EHBP1: variants seen among roughly 807,000 people sequenced by gnomAD.
EHBP1 encodes EH domain-binding protein 1.
In EHBP1, 55 loss-of-function variants were observed where a neutral mutation model predicts 144.0. That is an observed-to-expected ratio of 0.38 (90% confidence interval 0.31 to 0.48). The LOEUF is 0.48. EHBP1 is among the 20% of genes least tolerant of loss of function. EHBP1 has a pLI of 0.98. For synonymous variants in EHBP1, 469 were observed against 472.7 expected, an observed-to-expected ratio of 0.99 and a Z score of 0.10; for missense variants, 1,200 against 1,364.2, an observed-to-expected ratio of 0.88 and a Z score of 1.90.
intron 13 of EHBP1, among the ~76,000 whole-genome samples, chr2:62,953,028 G>A (rs1446252815): frequency 6.6e-6 from 1 of 151,938 alleles, no homozygotes; most frequent in East Asian, 1.9e-4. Context: ...AGACCAGCCT[G>A]ACCAACATGG....
intron 1 of EHBP1, among the ~76,000 whole-genome samples, chr2:62,681,272 C>T (rs1171938171): frequency 6.9e-6 from 1 of 144,640 alleles, no homozygotes; most frequent in African/African-American, 2.6e-5. Flanking sequence ...TGCCACTGCA[C>T]TCCAGCCTGG....
chr2:62,874,987 C>T (rs1014870318), intron 10 of EHBP1, among the ~76,000 whole-genome samples: 1 of 152,062 alleles, frequency 6.6e-6, no homozygotes, highest in Non-Finnish European at 1.5e-5. Context: ...CCCTACCCTG[C>T]CCCCTCCAGT....
intron 10 of EHBP1, among the ~76,000 whole-genome samples, chr2:62,907,055 G>C (rs938764710): frequency 1.1e-4 from 17 of 152,168 alleles, no homozygotes; most frequent in African/African-American, 4.1e-4. Context: ...AAGGACATCT[G>C]ATTGTTTCCT....
intron 2 of EHBP1, among the ~76,000 whole-genome samples, chr2:62,719,325 A>G (rs1333743814): frequency 1.3e-5 from 2 of 152,014 alleles, no homozygotes; most frequent in African/African-American, 4.8e-5. Flanking sequence ...TTATAATTGT[A>G]CTTCTAGACA....
intron 19 of EHBP1, among the ~76,000 whole-genome samples, chr2:63,009,646 A>G (rs1212063492): frequency 1.3e-5 from 2 of 151,436 alleles, no homozygotes; most frequent in Non-Finnish European, 1.5e-5. Context: ...TATATGGAGT[A>G]AAGTCCATAG....
chr2:63,021,805 C>T (rs1249725121), intron 19 of EHBP1, among the ~76,000 whole-genome samples: 1 of 151,828 alleles, frequency 6.6e-6, no homozygotes, highest in Admixed American at 6.6e-5. Context: ...CTCACACTGT[C>T]GCCCGGGCTA....
intron 5 of EHBP1, among the ~76,000 whole-genome samples, chr2:62,773,850 CAAAAAAAAAAAAAAAAAAAAA>C (rs570715468): frequency 4.8e-5 from 2 of 41,552 alleles, no homozygotes; most frequent in African/African-American, 9.5e-5. Flanking sequence ...GACTCCATCT[CAAAAAAAAAAAAAAAAAAAAA>C]AAAAAAAAAA....
intron 14 of EHBP1, chr2:62,965,136 C>G (rs2153151270): frequency 6.6e-6 from 1 of 152,558 alleles, no homozygotes; most frequent in Middle Eastern, 3.4e-3. Flanking sequence ...AGTGCAGTGA[C>G]TTTATACTTG....
chr2:62,742,034 C>G (rs2038758828), intron 2 of EHBP1, among the ~76,000 whole-genome samples: 1 of 152,038 alleles, frequency 6.6e-6, no homozygotes, highest in African/African-American at 2.4e-5. Flanking sequence ...AAATACTTAA[C>G]CATTATGTTA....
intron 7 of EHBP1, chr2:62,858,565 C>A: frequency 4.4e-6 from 5 of 1,139,926 alleles, no homozygotes; most frequent in Admixed American, 1.7e-5. Flanking sequence ...TTTACTGTGA[C>A]CTGCTACCTC....
chr2:62,748,973 A>C (rs1241353143), intron 3 of EHBP1, among the ~76,000 whole-genome samples: 2 of 152,064 alleles, frequency 1.3e-5, no homozygotes, highest in Admixed American at 1.3e-4. Flanking sequence ...AGACTGTTTT[A>C]ATCACTTTTT....
intron 9 of EHBP1, among the ~76,000 whole-genome samples, chr2:62,870,359 C>A (rs1445591530): frequency 6.6e-6 from 1 of 152,084 alleles, no homozygotes; most frequent in African/African-American, 2.4e-5. Flanking sequence ...TAATTCAGAG[C>A]ACAGGGACTG....
At chr2:62,941,340 C>T (rs1054163995) in intron 10 of EHBP1, among the ~76,000 whole-genome samples, 2 of 152,050 alleles carry the variant, frequency 1.3e-5, no homozygotes, top group African/African-American at 2.4e-5. Flanking sequence ...TATTGGGATT[C>T]CTTTTTTATC....
intron 2 of EHBP1, among the ~76,000 whole-genome samples, chr2:62,717,782 G>A (rs2035832074): frequency 6.6e-6 from 1 of 151,734 alleles, no homozygotes; most frequent in South Asian, 2.1e-4. Flanking sequence ...ACCTGCCTAT[G>A]TCTGAAAGAG....
intron 1 of EHBP1, among the ~76,000 whole-genome samples, chr2:62,691,053 AG>A (rs1186205057): frequency 6.6e-6 from 1 of 152,230 alleles, no homozygotes; most frequent in African/African-American, 2.4e-5. Context: ...ATCTAGAAAG[AG>A]GGCTTTAATT....
Position 62,979,347 on chromosome 2 carries a change from A to C in EHBP1, c.2608+12A>C, listed in dbSNP as rs373180702. ...AAAGGCATCTGGAGGTGAGTTAAAG[A>C]ATCTTCTATCATTCTACAGACAACC... On this transcript the variant is annotated intron_variant, in intron 15 of 22. Transcript: ENST00000431489. The C allele has an allele frequency of 8.6e-5, 138 of 1,612,250 alleles. No homozygotes were observed. The highest frequency in any genetic ancestry group is 1.1e-4 in the Non-Finnish European group (128 of 1,179,010).
Position 62,826,286 on chromosome 2 carries a change from A to G in EHBP1, c.494+18A>G. On this transcript the variant is annotated intron_variant, in intron 6 of 22. Coordinates refer to ENST00000431489, the MANE Select transcript of EHBP1 (RefSeq NM_001142616.3). ...AAAGCCACGTAAGTTTCTTTTGTCA[A>G]ATAAGCTTCCTTACATTGTGTTTCA... is the stretch of plus-strand genomic sequence containing the variant. The G allele has an allele frequency of 1.3e-6, 2 of 1,580,058 alleles. No homozygotes were observed. The highest frequency in any genetic ancestry group is 2.3e-5 in the East Asian group (1 of 44,014).
At chr2:62,960,693 T>C (rs962816385) in intron 14 of EHBP1, among the ~76,000 whole-genome samples, 1 of 152,128 alleles carries the variant, frequency 6.6e-6, no homozygotes, top group African/African-American at 2.4e-5. Flanking sequence ...AATAAAAAAT[T>C]AGCTTAAACA....
chr2:62,732,529 G>A (rs986547541), intron 2 of EHBP1, among the ~76,000 whole-genome samples: 2 of 152,064 alleles, frequency 1.3e-5, no homozygotes, highest in Non-Finnish European at 2.9e-5. Flanking sequence ...CTCGTGATAA[G>A]AGTTCTCATG....
Sources: gnomAD v4.1 joint callset for allele counts (sites outside exome capture counted in the v4.1 genomes callset) on GRCh38, gnomAD v4.1.1 for gene constraint, MANE v1.5 for transcripts, NCBI Gene and HGNC (gene_info 2026-07-23, HGNC 2026-07-21) for gene names.